Variants in SLC24A2 observed in about 807,000 individuals in gnomAD.
The protein encoded by SLC24A2 is sodium/potassium/calcium exchanger 2.
Under a neutral mutation model 62.0 loss-of-function variants are expected in SLC24A2, and 36 were observed. The observed-to-expected ratio is 0.58, with a 90% CI of 0.44 to 0.77. SLC24A2 has a LOEUF of 0.77. Ranked by LOEUF, SLC24A2 falls within the 30% of genes least tolerant of loss-of-function variation. The pLI, the probability that SLC24A2 is intolerant of heterozygous loss-of-function variation, is 0.00. For synonymous variants in SLC24A2, 358 were observed against 294.0 expected (o/e 1.22, Z -2.23); for missense variants, 846 against 817.9 (o/e 1.03, Z -0.42).
chr9:20,112,254 C>A, the SLC24A2 span, among the ~76,000 whole-genome samples: 2 of 152,172 alleles, frequency 1.3e-5, no homozygotes, highest in African/African-American at 2.4e-5. Context: ...AAAGTAAGAA[C>A]ACAATCCTCG....
chr9:19,521,654 G>C (rs2132638653), intron 9 of SLC24A2, among the ~76,000 whole-genome samples: 1 of 152,288 alleles, frequency 6.6e-6, no homozygotes, highest in South Asian at 2.1e-4. Context: ...CTGGGTCCAA[G>C]ATCTGGCTCT....
chr9:20,114,956 G>T, the SLC24A2 span, among the ~76,000 whole-genome samples: 1 of 152,128 alleles, frequency 6.6e-6, no homozygotes, highest in Non-Finnish European at 1.5e-5. Context: ...GTGCACAGAA[G>T]TCACACAAAG....
chr9:20,276,146 T>C, the SLC24A2 span, among the ~76,000 whole-genome samples: 1 of 152,174 alleles, frequency 6.6e-6, no homozygotes, highest in South Asian at 2.1e-4. Context: ...ATTTCAGCCT[T>C]AACTCAAAAT....
At chr9:19,978,835 G>C in the SLC24A2 span, among the ~76,000 whole-genome samples, 1 of 152,120 alleles carries the variant, frequency 6.6e-6, no homozygotes, top group African/African-American at 2.4e-5. Context: ...AGAAAGGGTA[G>C]ATGGAGGCAG....
the SLC24A2 span, among the ~76,000 whole-genome samples, chr9:20,168,112 C>T: frequency 6.6e-6 from 1 of 151,894 alleles, no homozygotes; most frequent in African/African-American, 2.4e-5. Context: ...GTGATGTGTG[C>T]ATATATCAAT....
chr9:19,911,749 A>G, the SLC24A2 span, among the ~76,000 whole-genome samples: 3 of 152,138 alleles, frequency 2.0e-5, no homozygotes, highest in African/African-American at 7.2e-5. Flanking sequence ...AGCCTGTCCT[A>G]TGGTAGGAAC....
chr9:20,097,023 C>A, the SLC24A2 span, among the ~76,000 whole-genome samples: 2 of 152,202 alleles, frequency 1.3e-5, no homozygotes, highest in Middle Eastern at 3.2e-3. Context: ...CTTTTCCCTA[C>A]AACCTGATTT....
At chr9:20,238,630 C>T in the SLC24A2 span, among the ~76,000 whole-genome samples, 4 of 152,186 alleles carry the variant, frequency 2.6e-5, no homozygotes, top group Non-Finnish European at 5.9e-5. Context: ...CCTATTTTCT[C>T]CCTCTCTGGG....
At chr9:19,851,891 T>C in the SLC24A2 span, among the ~76,000 whole-genome samples, 2 of 152,258 alleles carry the variant, frequency 1.3e-5, no homozygotes, top group African/African-American at 2.4e-5. Flanking sequence ...TTCTAAATCT[T>C]TGAGGAATCA....
At chr9:19,802,977 C>T in the SLC24A2 span, among the ~76,000 whole-genome samples, 35 of 152,238 alleles carry the variant, frequency 2.3e-4, no homozygotes, top group Admixed American at 1.3e-3. Flanking sequence ...TCTTCCACCA[C>T]GTGAGGATGC....
intron 1 of SLC24A2, among the ~76,000 whole-genome samples, chr9:19,787,917 A>G: frequency 6.6e-6 from 1 of 152,202 alleles, no homozygotes; most frequent in Middle Eastern, 3.2e-3. Context: ...CACTGACTTT[A>G]ATAGGTTAGA....
the SLC24A2 span, among the ~76,000 whole-genome samples, chr9:20,126,285 G>C: frequency 1.3e-5 from 2 of 151,978 alleles, no homozygotes; most frequent in Non-Finnish European, 2.9e-5. Flanking sequence ...ACATATTTAT[G>C]AAAATGTTCA....
At chr9:19,622,809 T>G (rs1437491243) in intron 2 of SLC24A2, among the ~76,000 whole-genome samples, 1 of 152,082 alleles carries the variant, frequency 6.6e-6, no homozygotes, top group Non-Finnish European at 1.5e-5. Context: ...TGCAAAGAAA[T>G]GTCATTTTCT....
At chr9:19,677,036 C>G (rs1819581461) in intron 2 of SLC24A2, among the ~76,000 whole-genome samples, 1 of 152,088 alleles carries the variant, frequency 6.6e-6, no homozygotes, top group Admixed American at 6.5e-5. Context: ...TCCTCAAAGA[C>G]CTAAAGACAG....
the SLC24A2 span, among the ~76,000 whole-genome samples, chr9:20,053,581 G>A: frequency 6.6e-6 from 1 of 152,114 alleles, no homozygotes; most frequent in Non-Finnish European, 1.5e-5. Context: ...GGTATTTGGA[G>A]GTGGAGTCTT....
intron 10 of SLC24A2, among the ~76,000 whole-genome samples, chr9:19,518,917 T>G (rs1000912620): frequency 6.6e-6 from 1 of 152,170 alleles, no homozygotes; most frequent in South Asian, 2.1e-4. Context: ...GACATGTCAA[T>G]ACCCATTAAG....
the SLC24A2 span, among the ~76,000 whole-genome samples, chr9:20,024,529 C>G: frequency 6.6e-6 from 1 of 152,194 alleles, no homozygotes; most frequent in Non-Finnish European, 1.5e-5. Context: ...GGTTCGCACT[C>G]AGCCCTGTAA....
chr9:20,033,855 C>T, the SLC24A2 span, among the ~76,000 whole-genome samples: 1 of 152,180 alleles, frequency 6.6e-6, no homozygotes, highest in South Asian at 2.1e-4. Flanking sequence ...TACCAGCAGC[C>T]CTTAGGGCTG....
the SLC24A2 span, among the ~76,000 whole-genome samples, chr9:20,276,246 G>C: frequency 6.6e-6 from 1 of 152,166 alleles, no homozygotes; most frequent in Non-Finnish European, 1.5e-5. Context: ...GATACAATGG[G>C]GATACAGGCT....
Sources: allele counts gnomAD v4.1 joint callset (sites outside exome capture counted in the v4.1 genomes callset), GRCh38; gene constraint gnomAD v4.1.1; transcripts MANE v1.5; gene names NCBI Gene and HGNC (gene_info 2026-07-23, HGNC 2026-07-21).